SYNE2: variants seen among roughly 807,000 people sequenced by gnomAD.
SYNE2 encodes the protein nesprin-2.
SYNE2 carries 431 observed loss-of-function variants against 856.3 expected under a neutral mutation model. The observed-to-expected ratio is 0.50, with a 90% CI of 0.47 to 0.55. SYNE2 has a LOEUF of 0.55. SYNE2 is among the 20% of genes least tolerant of loss of function. The pLI, the probability that SYNE2 is intolerant of heterozygous loss-of-function variation, is 0.00. For missense variants in SYNE2, 8,129 were observed against 8,023.2 expected, an observed-to-expected ratio of 1.01 and a Z score of -0.50; for synonymous variants, 2,923 against 2,872.3, an observed-to-expected ratio of 1.02 and a Z score of -0.56.
intron 1 of SYNE2, among the ~76,000 whole-genome samples, chr14:63,795,775 G>A (rs1267873039): frequency 2.0e-5 from 3 of 152,066 alleles, no homozygotes; most frequent in Admixed American, 1.3e-4. Context: ...ATGGTGAATG[G>A]GTCATACAAT....
At chr14:63,882,363 A>G (rs905863459) in intron 1 of SYNE2, among the ~76,000 whole-genome samples, 13 of 152,166 alleles carry the variant, frequency 8.5e-5, no homozygotes, top group South Asian at 2.1e-4. Flanking sequence ...TGTATTTATC[A>G]GGTCAAGGAA....
chr14:64,065,766 A>G (rs2097354569), intron 51 of SYNE2, 116 bp downstream of exon 51: 2 of 1,120,760 alleles, frequency 1.8e-6, no homozygotes, highest in Admixed American at 2.0e-5. Context: ...ATTTGTGCAC[A>G]TCACTTATAC....
At chr14:64,190,732 C>G (rs2098514305) in intron 99 of SYNE2, 1 of 663,104 alleles carries the variant, frequency 1.5e-6, no homozygotes, top group South Asian at 1.7e-5. Flanking sequence ...GCCAGGTCTC[C>G]CATGGGTGTC....
intron 1 of SYNE2, among the ~76,000 whole-genome samples, chr14:63,882,988 CTGTT>C (rs1031816280): frequency 6.1e-5 from 7 of 115,494 alleles, no homozygotes; most frequent in Admixed American, 2.7e-4. Flanking sequence ...AGTAAGCACT[CTGTT>C]TTTTTTTTTT....
At chr14:64,165,501 C>A in intron 90 of SYNE2, 91 bp downstream of exon 90, 1 of 1,355,544 alleles carries the variant, frequency 7.4e-7, no homozygotes, top group Non-Finnish European at 1.0e-6. Context: ...GGAATGCTTG[C>A]ATCCTAACTC....
chr14:63,979,365 A>G lies in SYNE2; in HGVS notation c.1569+351A>G, dbSNP rs534771463. On this transcript the variant is annotated intron_variant, in intron 14 of 115. Transcript: ENST00000555002. ...GTTTCCTTTTCAGATTCATAGTTTC[A>G]TGCAGTAATTACATTTTTCTTATAA... is the stretch of plus-strand genomic sequence containing the variant. Among the ~76,000 whole-genome samples, 3 of 152,278 alleles carry G rather than the reference A, an allele frequency of 2.0e-5. No homozygotes were observed. In the East Asian group the frequency reaches 5.8e-4, roughly 29 times the overall value.
chr14:64,048,188 T>C, intron 46 of SYNE2, 33 bp downstream of exon 46: 1 of 1,605,744 alleles, frequency 6.2e-7, no homozygotes, highest in Non-Finnish European at 8.5e-7. Context: ...ACAACATGAT[T>C]GCATCATTTA....
intron 49 of SYNE2, among the ~76,000 whole-genome samples, chr14:64,057,455 A>ATT (rs909190811): frequency 6.7e-6 from 1 of 148,590 alleles, no homozygotes; most frequent in Non-Finnish European, 1.5e-5. Context: ...ACAGGATTTC[A>ATT]TTTTTTTTTA....
In SYNE2 at chr14:64,068,883, A is replaced by G. The variant is rs1034606430; in HGVS notation, c.10432-1762A>G. Reference sequence around the variant, plus strand: ...TCTCAAAAAAAAAAAAAAAAAAAAAAAGAGATTGTTCTCCCTCTTGTATTC... The same window carrying G: ...TCTCAAAAAAAAAAAAAAAAAAAAAGAGAGATTGTTCTCCCTCTTGTATTC... On this transcript the variant is annotated intron_variant, in intron 51 of 115. Transcript: ENST00000555002. 7.1e-3 allele frequency among the ~76,000 whole-genome samples: 937 copies of G among 131,766 alleles called. 17 individuals are homozygous for G. Among genetic ancestry groups the G allele is most frequent in the African/African-American group, 0.024 (906 of 37,960 alleles). 86.4% of individuals were successfully genotyped at this position (131,766 alleles called of 152,430 possible).
chr14:63,839,424 A>G (rs1377176833), intron 1 of SYNE2, among the ~76,000 whole-genome samples: 1 of 152,216 alleles, frequency 6.6e-6, no homozygotes, highest in Non-Finnish European at 1.5e-5. Context: ...ATTGAGCATT[A>G]CCACCCCCCA....
rs1461863858 is a variant in SYNE2 at position 64,081,505 on chromosome 14, T to C, written c.11409T>C (p.Asn3803=). 6.2e-7 allele frequency: 1 copy of C among 1,614,174 alleles called. No individual in the cohort carries two copies. Among genetic ancestry groups the C allele is most frequent in the Admixed American group, 1.7e-5 (1 of 60,026 alleles). The part of the protein sequence containing the change: ...LLKSTEAWIE[N]TSHLLANPAD... ...AGAGCACTGAGGCTTGGATAGAAAA[T>C]ACCAGTCATTTGCTGGCCAATCCTG... Residue 3803 remains asparagine, a synonymous_variant, in exon 57 of 116, where the codon AAT becomes AAC. Transcript: ENST00000555002.
At chr14:63,853,304 C>G (rs1012818768) in intron 1 of SYNE2, among the ~76,000 whole-genome samples, 161 bp downstream of exon 1, 6 of 151,820 alleles carry the variant, frequency 4.0e-5, no homozygotes, top group African/African-American at 1.4e-4. Context: ...AGCCGGGCCA[C>G]AGGAAACTTT....
Position 64,143,787 on chromosome 14 carries a change from A to G in SYNE2, c.15322A>G (p.Met5108Val). 3 of 1,614,184 alleles carry G rather than the reference A, an allele frequency of 1.9e-6. No homozygotes were observed. Among genetic ancestry groups the G allele is most frequent in the Non-Finnish European group, 2.5e-6 (3 of 1,180,008 alleles). ...CTTATTTTAGGAGTTTAGAATGGAA[A>G]TGGACTATAAACAGTGGATAGTTGA... ...LQKHKEFRME[M>V]DYKQWIVDFV... is the part of the protein sequence containing the mutation. Residue 5108 changes from methionine to valine, a missense_variant, in exon 83 of 116, where the codon ATG becomes GTG. Transcript: ENST00000555002.
At position 64,065,656 on chromosome 14, in the gene SYNE2, T is replaced by C; in HGVS notation, c.10431+6T>C. On this transcript the variant is annotated splice_donor_region_variant and intron_variant, in intron 51 of 115. Coordinates refer to ENST00000555002, the MANE Select transcript of SYNE2 (RefSeq NM_182914.3). Reference sequence around the variant, plus strand: ...GGAAATTTGTCAGTGAAGAAGTGAGTGCTTCATTTTCAACAAACCATGTAG... The same window carrying C: ...GGAAATTTGTCAGTGAAGAAGTGAGCGCTTCATTTTCAACAAACCATGTAG... 2.5e-6 allele frequency: 4 copies of C among 1,613,894 alleles called. No individual in the cohort carries two copies. Among genetic ancestry groups the C allele is most frequent in the Non-Finnish European group, 2.5e-6 (3 of 1,179,888 alleles).
chr14:64,167,041 A>C, intron 90 of SYNE2, 192 bp from the exon 91 acceptor site: 1 of 642,588 alleles, frequency 1.6e-6, no homozygotes, highest in Non-Finnish European at 2.7e-6. Context: ...GCAGGTTGGT[A>C]TTCTAGAAGG....
chr14:64,123,881 C>A (rs1390461432), intron 70 of SYNE2, among the ~76,000 whole-genome samples: 1 of 150,774 alleles, frequency 6.6e-6, no homozygotes, highest in Non-Finnish European at 1.5e-5. Context: ...CACACACACA[C>A]ACACACCACC....
chr14:64,011,110 A>G (rs375668971), intron 32 of SYNE2, among the ~76,000 whole-genome samples: 6 of 148,246 alleles, frequency 4.0e-5, no homozygotes, highest in African/African-American at 1.5e-4. Flanking sequence ...GTCCTTATCT[A>G]GAACTATTAA....
intron 54 of SYNE2, among the ~76,000 whole-genome samples, chr14:64,077,676 A>G (rs1380505773): frequency 6.6e-6 from 1 of 152,174 alleles, no homozygotes; most frequent in Non-Finnish European, 1.5e-5. Flanking sequence ...ATTATACAAA[A>G]GCATAAAGTA....
At chr14:63,872,776 A>AAAT (rs1897172655) in intron 1 of SYNE2, among the ~76,000 whole-genome samples, 1 of 151,704 alleles carries the variant, frequency 6.6e-6, no homozygotes. Flanking sequence ...AAAAAAAAAA[A>AAAT]AAAAAGATGA....
Sources: gnomAD v4.1 joint callset for allele counts (sites outside exome capture counted in the v4.1 genomes callset) on GRCh38, gnomAD v4.1.1 for gene constraint, MANE v1.5 for transcripts, NCBI Gene and HGNC (gene_info 2026-07-23, HGNC 2026-07-21) for gene names.